Variants in RAB3IL1 observed in about 807,000 individuals in gnomAD.
RAB3IL1 encodes guanine nucleotide exchange factor for Rab-3A.
A neutral mutation model predicts 49.2 loss-of-function variants in RAB3IL1; 37 were observed. That is an observed-to-expected ratio of 0.75 (90% confidence interval 0.58 to 0.99). The LOEUF is 0.99. RAB3IL1 is among the 50% of genes least tolerant of loss of function. RAB3IL1 has a pLI of 0.00. For synonymous variants in RAB3IL1, 193 were observed against 213.9 expected (o/e 0.90, Z 0.85); for missense variants, 484 against 513.0 (o/e 0.94, Z 0.55).
chr11:61,946,270 C>T, the RAB3IL1 span, among the ~76,000 whole-genome samples: 4 of 152,190 alleles, frequency 2.6e-5, no homozygotes, highest in Non-Finnish European at 5.9e-5. Flanking sequence ...CTGCCCCCAG[C>T]CAAGCTGGGT....
At chr11:61,923,332 G>A (rs1939945569), upstream of RAB3IL1, among the ~76,000 whole-genome samples, 1 of 152,188 alleles carries the variant, frequency 6.6e-6, no homozygotes, top group Non-Finnish European at 1.5e-5. Flanking sequence ...GGGACGTCTT[G>A]TCAGTAAAAG....
the RAB3IL1 span, among the ~76,000 whole-genome samples, chr11:61,926,027 T>C: frequency 1.4e-5 from 2 of 140,924 alleles, no homozygotes; most frequent in Non-Finnish European, 3.0e-5. Context: ...TGGAAACATT[T>C]TGAAGAGATC....
the RAB3IL1 span, among the ~76,000 whole-genome samples, chr11:61,928,277 GCCAAAGCTGGGAGCTTTGGCCAGGA>G: frequency 6.6e-6 from 1 of 152,176 alleles, no homozygotes; most frequent in Admixed American, 6.5e-5. Context: ...GGAAAGTGCA[GCCAAAGCTGGGAGCTTTGGCCAGGA>G]GGGAGGTTGG....
chr11:61,916,058 T>G, intron 1 of RAB3IL1, among the ~76,000 whole-genome samples: 1 of 132,988 alleles, frequency 7.5e-6, no homozygotes. Flanking sequence ...GAGTCTCAAG[T>G]CTTAGGGCAG....
chr11:61,912,912 T>C (rs931777178), intron 1 of RAB3IL1, among the ~76,000 whole-genome samples: 1 of 149,658 alleles, frequency 6.7e-6, no homozygotes, highest in African/African-American at 2.5e-5. Flanking sequence ...AGGGGCTGGA[T>C]GGGGGGGCAG....
the RAB3IL1 span, among the ~76,000 whole-genome samples, chr11:61,929,057 AT>A: frequency 6.6e-6 from 1 of 152,238 alleles, no homozygotes; most frequent in Non-Finnish European, 1.5e-5. Context: ...AGTTGTACAT[AT>A]TTGTGGGGTA....
chr11:61,913,666 G>A (rs1002641005), intron 1 of RAB3IL1, among the ~76,000 whole-genome samples: 17 of 152,062 alleles, frequency 1.1e-4, no homozygotes, highest in Non-Finnish European at 1.9e-4. Context: ...CGCCTGTGGC[G>A]ACCCTGCCCA....
rs531045299 is a variant in RAB3IL1, at chr11:61,903,527, C to CT, written c.900-987dup. Reference sequence around the variant, plus strand: ...CTTTTCAGGTGGCAGCTATTGATGACTTTTTTTTTTTTTTGAGACAGGGTC... The same window carrying CT: ...CTTTTCAGGTGGCAGCTATTGATGACTTTTTTTTTTTTTTTGAGACAGGGTC... On this transcript the variant is annotated intron_variant, in intron 7 of 9. Transcript: ENST00000394836. Among the ~76,000 whole-genome samples, 294 of 144,626 alleles carry CT rather than the reference C, an allele frequency of 2.0e-3. 1 individual carries two copies. Among genetic ancestry groups the CT allele is most frequent in the African/African-American group, 5.0e-3 (198 of 39,640 alleles). 94.9% of individuals were successfully genotyped at this position (144,626 alleles called of 152,430 possible).
At chr11:61,919,405 T>G (rs541862851), upstream of RAB3IL1, among the ~76,000 whole-genome samples, 1 of 152,328 alleles carries the variant, frequency 6.6e-6, no homozygotes, top group African/African-American at 2.4e-5. Context: ...TAGGGCTCAC[T>G]GCCTCCCCCA....
At chr11:61,925,947 A>G in the RAB3IL1 span, among the ~76,000 whole-genome samples, 1 of 152,172 alleles carries the variant, frequency 6.6e-6, no homozygotes, top group African/African-American at 2.4e-5. Context: ...GATTAAATGG[A>G]CAGCTGTGTG....
chr11:61,915,919 T>A (rs553810961), intron 1 of RAB3IL1, among the ~76,000 whole-genome samples: 6 of 151,430 alleles, frequency 4.0e-5, no homozygotes, highest in African/African-American at 1.2e-4. Flanking sequence ...GCGCCTGTAG[T>A]CCCAGCTACT....
At chr11:61,946,198 C>T in the RAB3IL1 span, among the ~76,000 whole-genome samples, 1 of 152,034 alleles carries the variant, frequency 6.6e-6, no homozygotes, top group Non-Finnish European at 1.5e-5. Context: ...TGGCAGGTGT[C>T]CCACATAAAG....
rs144352345 is a variant in RAB3IL1 at position 61,897,885 on chromosome 11, G to A, written c.*393C>T. 1.9e-4 allele frequency: 40 copies of A among 210,054 alleles called. No individual in the cohort carries two copies. In the East Asian group the frequency reaches 5.6e-3, roughly 30 times the overall value. 13.0% of individuals were successfully genotyped at this position (210,054 alleles called of 1,614,324 possible). A position where few individuals can be genotyped will look rare whatever the true frequency, so the allele number is the denominator to read the frequency against. ...CCTGGAGATCCAGCCACCCAGAACA[G>A]TCCCTTTCTGAAGACAAGCCAGCAA... On this transcript the variant is annotated 3_prime_UTR_variant, in exon 10 of 10. Transcript: ENST00000394836.
At chr11:61,936,040 G>T in the RAB3IL1 span, among the ~76,000 whole-genome samples, 2 of 151,820 alleles carry the variant, frequency 1.3e-5, no homozygotes, top group Admixed American at 1.3e-4. Flanking sequence ...CGCTAGAGGA[G>T]GTCAATATAG....
intron 7 of RAB3IL1, among the ~76,000 whole-genome samples, chr11:61,903,120 G>A: frequency 6.6e-6 from 1 of 151,980 alleles, no homozygotes. Context: ...GTCTCCACAG[G>A]CCCTGAGCAA....
intron 2 of RAB3IL1, 38 bp from the exon 3 acceptor site, chr11:61,907,698 T>A (rs756657643): frequency 1.3e-6 from 2 of 1,593,956 alleles, no homozygotes; most frequent in East Asian, 2.2e-5. Context: ...CACCTCAGCA[T>A]CCCCAGGCCT....
Position 61,906,416 on chromosome 11 carries a change from G to T in RAB3IL1, c.657+50C>A. ...TCACTGGGCTCGGACCCTGCCTACC[G>T]CAGGCACTGCCACCCTTCCCCGTGC... On this transcript the variant is annotated intron_variant, in intron 5 of 9. Coordinates refer to ENST00000394836, the MANE Select transcript of RAB3IL1 (RefSeq NM_013401.4). The surrounding 1 kb of genome is among the most constrained non-coding windows in gnomAD (Gnocchi z 4.6). 1 of 1,485,538 alleles carries T rather than the reference G, an allele frequency of 6.7e-7. No homozygotes were observed. The highest frequency in any genetic ancestry group is 9.1e-7 in the Non-Finnish European group (1 of 1,101,276). 92.0% of individuals were successfully genotyped at this position (1,485,538 alleles called of 1,614,324 possible).
chr11:61,946,227 G>T, the RAB3IL1 span, among the ~76,000 whole-genome samples: 1 of 152,174 alleles, frequency 6.6e-6, no homozygotes, highest in Non-Finnish European at 1.5e-5. Context: ...CAGCATCCAG[G>T]CCTGGCTGAC....
the RAB3IL1 span, among the ~76,000 whole-genome samples, chr11:61,940,173 A>G: frequency 0.1 from 15,929 of 151,942 alleles, 1,509 homozygotes; most frequent in East Asian, 0.57. Flanking sequence ...TGGGTGCAGT[A>G]GCTCACGCCT....
Sources: allele counts gnomAD v4.1 joint callset (sites outside exome capture counted in the v4.1 genomes callset), GRCh38; gene constraint gnomAD v4.1.1; non-coding constraint Gnocchi (gnomAD v3.1); transcripts MANE v1.5; gene names NCBI Gene and HGNC (gene_info 2026-07-23, HGNC 2026-07-21).